The following NR5A2 variants were observed in gnomAD, a reference collection of about 807,000 sequenced individuals.
NR5A2 encodes the protein CYP7A promoter-binding factor.
A neutral mutation model predicts 62.7 loss-of-function variants in NR5A2; 26 were observed. The ratio of observed to expected loss-of-function variants is 0.41; its 90% CI spans 0.30 to 0.58. The LOEUF is 0.58. Among genes scored for constraint, NR5A2 ranks in the 20% least tolerant of loss-of-function variants. The pLI, the probability that NR5A2 is intolerant of heterozygous loss-of-function variation, is 0.22. For synonymous variants in NR5A2, 246 were observed against 241.7 expected (o/e 1.02, Z -0.16); for missense variants, 541 against 669.1 (o/e 0.81, Z 2.11).
chr1:200,113,394 T>C (rs888662620), intron 6 of NR5A2, among the ~76,000 whole-genome samples: 2 of 152,232 alleles, frequency 1.3e-5, no homozygotes, highest in Non-Finnish European at 2.9e-5. Context: ...TTTATGGCAA[T>C]TATGGTAGAC....
intron 7 of NR5A2, among the ~76,000 whole-genome samples, chr1:200,158,831 C>CTGTT (rs1305244444): frequency 6.6e-6 from 1 of 152,006 alleles, no homozygotes; most frequent in Non-Finnish European, 1.5e-5. Flanking sequence ...GTATTTCTTG[C>CTGTT]TGTTAGGAAA....
intron 5 of NR5A2, among the ~76,000 whole-genome samples, chr1:200,078,165 C>T (rs1026511246): frequency 7.9e-5 from 12 of 152,088 alleles, no homozygotes; most frequent in South Asian, 2.1e-4. Flanking sequence ...AACATATCTA[C>T]GTTAGAAATT....
At chr1:200,112,452 G>A (rs1445087472) in intron 6 of NR5A2, among the ~76,000 whole-genome samples, 1 of 152,104 alleles carries the variant, frequency 6.6e-6, no homozygotes, top group Non-Finnish European at 1.5e-5. Context: ...TCAGTACTCG[G>A]CACCATGATC....
chr1:200,075,817 G>T (rs1664002946), intron 5 of NR5A2, among the ~76,000 whole-genome samples: 1 of 152,160 alleles, frequency 6.6e-6, no homozygotes, highest in East Asian at 1.9e-4. Flanking sequence ...ATATCGCCAG[G>T]CTTTCAGAAA....
chr1:200,095,356 T>G (rs1449814807), intron 5 of NR5A2, among the ~76,000 whole-genome samples: 1 of 152,118 alleles, frequency 6.6e-6, no homozygotes, highest in Non-Finnish European at 1.5e-5. Flanking sequence ...TTCAGCCTAG[T>G]GAGAAATGCA....
At chr1:200,042,291 C>A (rs1181345570) in intron 2 of NR5A2, among the ~76,000 whole-genome samples, 1 of 152,186 alleles carries the variant, frequency 6.6e-6, no homozygotes, top group Admixed American at 6.5e-5. Context: ...GACGCGTCAA[C>A]TCCGCGGGTC....
chr1:200,128,884 G>A (rs957923692), intron 7 of NR5A2, among the ~76,000 whole-genome samples: 1 of 152,030 alleles, frequency 6.6e-6, no homozygotes, highest in African/African-American at 2.4e-5. Context: ...TTTTAGATAG[G>A]GAAATTTATT....
intron 7 of NR5A2, among the ~76,000 whole-genome samples, chr1:200,140,396 T>C (rs570629321): frequency 1.3e-4 from 20 of 152,272 alleles, no homozygotes; most frequent in East Asian, 1.9e-4. Context: ...CTTTTAATGT[T>C]TTGATCTTTT....
chr1:200,031,618 G>C (rs969759392), intron 1 of NR5A2, among the ~76,000 whole-genome samples: 1 of 103,832 alleles, frequency 9.6e-6, no homozygotes, highest in Non-Finnish European at 1.8e-5. Flanking sequence ...CACTCTTGTT[G>C]CCCAAGCTGG....
chr1:200,046,352 C>G (rs1662362223), intron 4 of NR5A2, among the ~76,000 whole-genome samples: 1 of 152,176 alleles, frequency 6.6e-6, no homozygotes, highest in South Asian at 2.1e-4. Flanking sequence ...AGTTCATGGA[C>G]TACTATGGTA....
At chr1:200,029,106 A>G in intron 1 of NR5A2, 1 of 444,306 alleles carries the variant, frequency 2.3e-6, no homozygotes, top group Non-Finnish European at 4.5e-6. Context: ...TTCGTCGGGC[A>G]GAACCGCCGC....
chr1:200,140,887 C>T (rs1017428977), intron 7 of NR5A2, among the ~76,000 whole-genome samples: 14 of 152,178 alleles, frequency 9.2e-5, no homozygotes, highest in Middle Eastern at 3.4e-3. Flanking sequence ...AAAAATTAGC[C>T]GGGCATGGTG....
intron 5 of NR5A2, among the ~76,000 whole-genome samples, chr1:200,084,447 T>C (rs1242822425): frequency 6.6e-6 from 1 of 152,128 alleles, no homozygotes; most frequent in Non-Finnish European, 1.5e-5. Flanking sequence ...TAGGGAAAAA[T>C]AATAGTTTTT....
In NR5A2 at chr1:200,149,801, T is replaced by C. The variant is rs184721170; in HGVS notation, c.1379-24162T>C. 4.8e-4 allele frequency among the ~76,000 whole-genome samples: 73 copies of C among 152,324 alleles called. 1 individual carries two copies. The highest frequency in any genetic ancestry group is 3.4e-3 in the Middle Eastern group (1 of 294). On this transcript the variant is annotated intron_variant, in intron 7 of 7. Coordinates refer to ENST00000367362, the MANE Select transcript of NR5A2 (RefSeq NM_205860.3). ...ACTGTACTTAGCACAAGACTAACCA[T>C]ACAGTAGGTATCTGTGCCTATAATG... is the stretch of plus-strand genomic sequence containing the variant.
intron 5 of NR5A2, among the ~76,000 whole-genome samples, chr1:200,103,499 T>C (rs940677435): frequency 1.3e-5 from 2 of 152,042 alleles, no homozygotes; most frequent in Non-Finnish European, 2.9e-5. Flanking sequence ...TAACAAGTCA[T>C]AAGAAAGATG....
At chr1:200,160,157 C>T (rs75402826) in intron 7 of NR5A2, among the ~76,000 whole-genome samples, 2,361 of 152,324 alleles carry the variant, frequency 0.015, 35 homozygotes, top group African/African-American at 0.036. Flanking sequence ...GAAGCTGCTA[C>T]AAGCAATCCC....
At chr1:200,170,996 C>T (rs1237450211) in intron 7 of NR5A2, among the ~76,000 whole-genome samples, 2 of 152,158 alleles carry the variant, frequency 1.3e-5, no homozygotes, top group African/African-American at 4.8e-5. Context: ...CCGGTGTATT[C>T]CCTGGGGATG....
intron 7 of NR5A2, among the ~76,000 whole-genome samples, chr1:200,168,209 A>ATTTTT (rs1483488948): frequency 7.3e-6 from 1 of 136,528 alleles, no homozygotes. Context: ...CTTTATATCT[A>ATTTTT]CTTTTTTTTT....
chr1:200,084,760 A>T lies in NR5A2; in HGVS notation c.1111-26442A>T, dbSNP rs3790828. ...CTCCCTAATTCATTGATTCGATAAT[A>T]CAAGAACAGTAAACATTTCTGGCAT... On this transcript the variant is annotated intron_variant, in intron 5 of 7. Transcript: ENST00000367362. Among the ~76,000 whole-genome samples the T allele has an allele frequency of 7.2e-4, 110 of 152,356 alleles. 2 individuals are homozygous for T. The East Asian group carries it at 0.019, about 27-fold the overall frequency.
Sources: allele counts gnomAD v4.1 joint callset (sites outside exome capture counted in the v4.1 genomes callset), GRCh38; gene constraint gnomAD v4.1.1; transcripts MANE v1.5; gene names NCBI Gene and HGNC (gene_info 2026-07-23, HGNC 2026-07-21).